Variants in CASK observed in about 807,000 individuals in gnomAD.
CASK encodes peripheral plasma membrane protein CASK.
CASK carries 4 observed loss-of-function variants against 82.9 expected under a neutral mutation model. The observed-to-expected ratio is 0.05, with a 90% CI of 0.02 to 0.11. The LOEUF is 0.11. Among genes scored for constraint, CASK ranks in the 10% least tolerant of loss-of-function variants. The probability of loss-of-function intolerance (pLI) is 1.00; values close to 1 mark genes in which losing one functional copy is unlikely to be tolerated. For synonymous variants in CASK, 259 were observed against 253.5 expected (o/e 1.02, Z -0.20); for missense variants, 358 against 720.9 (o/e 0.50, Z 5.76).
At chrX:41,743,361 T>C (rs2068627736) in intron 4 of CASK, among the ~76,000 whole-genome samples, 1 of 111,819 alleles carries the variant, frequency 8.9e-6, no homozygotes, top group African/African-American at 3.2e-5. Flanking sequence ...AATTTAAAAT[T>C]GTAATAAAAA....
At chrX:41,875,704 A>G (rs1002039712) in intron 1 of CASK, among the ~76,000 whole-genome samples, 1 of 111,604 alleles carries the variant, frequency 9.0e-6, no homozygotes, top group African/African-American at 3.3e-5. Context: ...GAAGAAAAAA[A>G]AAATGTACTT....
intron 12 of CASK, 45 bp from the exon 13 acceptor site, chrX:41,589,637 G>T: frequency 1.1e-6 from 1 of 902,743 alleles, no homozygotes. Context: ...ACAATTCTTT[G>T]CTAAAAATCA....
At chrX:41,743,474 A>G (rs2068630557) in intron 4 of CASK, 4 of 284,898 alleles carry the variant, frequency 1.4e-5, no homozygotes, top group African/African-American at 2.7e-5. Flanking sequence ...TACCGCGTAT[A>G]GATCAGAAGC....
At chrX:41,619,915 T>G (rs755520645) in intron 11 of CASK, among the ~76,000 whole-genome samples, 6 of 112,462 alleles carry the variant, frequency 5.3e-5, no homozygotes, top group Non-Finnish European at 1.1e-4. Flanking sequence ...AGTTCACGTA[T>G]TTTTCATTCA....
At chrX:41,751,918 C>T (rs912471893) in intron 3 of CASK, among the ~76,000 whole-genome samples, 1 of 109,310 alleles carries the variant, frequency 9.1e-6, no homozygotes. Flanking sequence ...TGGTGGTACA[C>T]ACCTGTGGTC....
chrX:41,652,191 T>C (rs1369658533), intron 8 of CASK, among the ~76,000 whole-genome samples: 1 of 110,851 alleles, frequency 9.0e-6, no homozygotes, highest in Non-Finnish European at 1.9e-5. Context: ...GCAAGGAGGC[T>C]GATATGATGG....
At chrX:41,542,663 C>T in intron 22 of CASK, 28 bp downstream of exon 22, 1 of 949,627 alleles carries the variant, frequency 1.1e-6, no homozygotes, top group Non-Finnish European at 1.5e-6. Flanking sequence ...CTTAACCCAG[C>T]CTCAGTAACA....
At chrX:41,869,183 C>A (rs1601923163) in intron 1 of CASK, among the ~76,000 whole-genome samples, 1 of 111,563 alleles carries the variant, frequency 9.0e-6, no homozygotes, top group Non-Finnish European at 1.9e-5. Flanking sequence ...GAAGCAACTG[C>A]CCCATAGGAC....
At chrX:41,851,850 T>C (rs1179181514) in intron 2 of CASK, among the ~76,000 whole-genome samples, 1 of 111,241 alleles carries the variant, frequency 9.0e-6, no homozygotes, top group East Asian at 2.8e-4. Flanking sequence ...TATACAAAAT[T>C]ACCTCAGTAT....
intron 9 of CASK, among the ~76,000 whole-genome samples, chrX:41,627,217 T>C (rs768555812): frequency 9.0e-6 from 1 of 111,699 alleles, no homozygotes; most frequent in Non-Finnish European, 1.9e-5. Context: ...ACAATGACAA[T>C]GTCTTACTTT....
At chrX:41,609,850 C>G in intron 12 of CASK, 54 bp downstream of exon 12, 1 of 1,187,245 alleles carries the variant, frequency 8.4e-7, no homozygotes, top group Non-Finnish European at 1.1e-6. Context: ...AGCCACCGTG[C>G]CCGGCCAATA....
intron 1 of CASK, among the ~76,000 whole-genome samples, chrX:41,875,278 T>G (rs5963282): frequency 0.01 from 1,149 of 112,362 alleles, 14 homozygotes; most frequent in African/African-American, 0.035. Context: ...TAAGTTTCAG[T>G]GAGTCTTCTT....
In CASK at chrX:41,808,747, C is replaced by T. The variant is rs1225970524; in HGVS notation, c.173-21464G>A. 3.6e-5 allele frequency among the ~76,000 whole-genome samples: 4 copies of T among 112,034 alleles called. No individual in the cohort carries two copies. In the South Asian group the frequency reaches 1.1e-3, roughly 32 times the overall value. On this transcript the variant is annotated intron_variant, in intron 2 of 26. Transcript: ENST00000378163. Reference sequence around the variant, plus strand: ...GTGCAGGACAGTGGGTGCAGCCCACCGAGTGTGAGCCAAAGCAGGGCGAGA... The same window carrying T: ...GTGCAGGACAGTGGGTGCAGCCCACTGAGTGTGAGCCAAAGCAGGGCGAGA...
intron 2 of CASK, among the ~76,000 whole-genome samples, chrX:41,796,097 A>G (rs1392242843): frequency 9.0e-6 from 1 of 111,685 alleles, no homozygotes; most frequent in Non-Finnish European, 1.9e-5. Context: ...ACTTCCACAG[A>G]TCTGGCATCT....
intron 11 of CASK, among the ~76,000 whole-genome samples, chrX:41,617,039 C>G (rs1183990246): frequency 8.9e-6 from 1 of 112,207 alleles, no homozygotes; most frequent in Non-Finnish European, 1.9e-5. Context: ...ATATTATACC[C>G]TGAAGTAAAC....
intron 1 of CASK, among the ~76,000 whole-genome samples, chrX:41,898,461 T>C (rs940703672): frequency 8.9e-6 from 1 of 111,850 alleles, no homozygotes; most frequent in Non-Finnish European, 1.9e-5. Context: ...ATCTTTATTA[T>C]TTCCTTCCTT....
At chrX:41,736,808 T>A (rs1171214465) in intron 5 of CASK, among the ~76,000 whole-genome samples, 4 of 111,673 alleles carry the variant, frequency 3.6e-5, no homozygotes, top group Non-Finnish European at 7.5e-5. Flanking sequence ...TCTTTTTGTC[T>A]CCATATAACT....
chrX:41,607,287 C>T (rs1399418295), intron 12 of CASK, among the ~76,000 whole-genome samples: 2 of 111,991 alleles, frequency 1.8e-5, no homozygotes, highest in Non-Finnish European at 3.8e-5. Flanking sequence ...TTGATGTGCT[C>T]AGATACCTTG....
chrX:41,816,011 C>T (rs1357390473), intron 2 of CASK, among the ~76,000 whole-genome samples: 1 of 111,146 alleles, frequency 9.0e-6, no homozygotes, highest in Non-Finnish European at 1.9e-5. Context: ...CAGGTACACA[C>T]CACCATGCCT....
Sources: allele counts gnomAD v4.1 joint callset (sites outside exome capture counted in the v4.1 genomes callset), GRCh38; gene constraint gnomAD v4.1.1; transcripts MANE v1.5; gene names NCBI Gene and HGNC (gene_info 2026-07-23, HGNC 2026-07-21).